DYNC2H1: variants seen among roughly 807,000 people sequenced by gnomAD.
The protein encoded by DYNC2H1 is cytoplasmic dynein 2 heavy chain 1.
DYNC2H1 carries 410 observed loss-of-function variants against 570.0 expected under a neutral mutation model. The observed-to-expected ratio is 0.72, with a 90% CI of 0.66 to 0.78. The LOEUF (loss-of-function observed/expected upper bound fraction) is 0.78, where lower values mean the gene tolerates loss of function less well. DYNC2H1 is among the 30% of genes least tolerant of loss of function. DYNC2H1 has a pLI of 0.00. For synonymous variants in DYNC2H1, 1,688 were observed against 1,677.6 expected (o/e 1.01, Z -0.15); for missense variants, 4,865 against 5,046.4 (o/e 0.96, Z 1.09).
At chr11:103,282,843 G>A (rs1866194084) in intron 72 of DYNC2H1, among the ~76,000 whole-genome samples, 165 bp from the exon 73 acceptor site, 1 of 151,946 alleles carries the variant, frequency 6.6e-6, no homozygotes, top group African/African-American at 2.4e-5. Flanking sequence ...AGTCCCTTAT[G>A]TTACATAGAA....
At chr11:103,221,261 C>T in intron 57 of DYNC2H1, among the ~76,000 whole-genome samples, 1 of 152,040 alleles carries the variant, frequency 6.6e-6, no homozygotes, top group Non-Finnish European at 1.5e-5. Flanking sequence ...CATGCAGGTT[C>T]AGGTTTCATG....
Position 103,280,313 on chromosome 11 carries a change from T to G in DYNC2H1, c.10696-35T>G. 6.5e-7 allele frequency: 1 copy of G among 1,547,542 alleles called. No individual in the cohort carries two copies. Among genetic ancestry groups the G allele is most frequent in the Non-Finnish European group, 8.7e-7 (1 of 1,144,472 alleles). On this transcript the variant is annotated intron_variant, in intron 70 of 88. Coordinates refer to ENST00000375735, the MANE Select transcript of DYNC2H1 (RefSeq NM_001377.3). This position sits in a 1 kb window ranked among gnomAD's most constrained non-coding sequence, Gnocchi z 4.7. ...TATGCTTTTCCAAAGACACAAATTT[T>G]TAAAAGGCAAGATAATATCTGTTAT...
At chr11:103,308,592 G>A (rs573803346) in intron 78 of DYNC2H1, among the ~76,000 whole-genome samples, 210 of 152,190 alleles carry the variant, frequency 1.4e-3, no homozygotes, top group African/African-American at 4.9e-3. Flanking sequence ...TTTCATAGTG[G>A]CTACATCGTT....
At chr11:103,317,710 T>C (rs1478388688) in intron 80 of DYNC2H1, among the ~76,000 whole-genome samples, 3 of 136,798 alleles carry the variant, frequency 2.2e-5, no homozygotes, top group Non-Finnish European at 5.0e-5. Context: ...AACTTTCATA[T>C]GGCCTTCTTC....
Position 103,249,191 on chromosome 11 carries a change from T to C in DYNC2H1, c.10042+3817T>C, listed in dbSNP as rs1056270980. The stretch of plus-strand genomic sequence containing the variant: ...TAAGAGATGAGACAACACTGAAGAG[T>C]CTTTTTTAGACAATAAAATATTTAT... On this transcript the variant is annotated intron_variant, in intron 65 of 88. Coordinates refer to ENST00000375735, the MANE Select transcript of DYNC2H1 (RefSeq NM_001377.3). This position sits in a 1 kb window ranked among gnomAD's most constrained non-coding sequence, Gnocchi z 4.6. 1.4e-4 allele frequency among the ~76,000 whole-genome samples: 22 copies of C among 151,842 alleles called. No homozygotes were observed. The highest frequency in any genetic ancestry group is 4.4e-4 in the African/African-American group (18 of 41,364).
At position 103,179,245 on chromosome 11, in the gene DYNC2H1, A is replaced by C; in HGVS notation, c.6347+12A>C. 1 of 1,609,814 alleles carries C rather than the reference A, an allele frequency of 6.2e-7. No homozygotes were observed. On this transcript the variant is annotated intron_variant, in intron 39 of 88. Transcript: ENST00000375735. Reference sequence around the variant, plus strand: ...ATGATCTTTCTTAGGTAAGCCATAGATTATTTATATACAGTATATTAGAAT... The same window carrying C: ...ATGATCTTTCTTAGGTAAGCCATAGCTTATTTATATACAGTATATTAGAAT...
At chr11:103,390,685 C>G (rs1942106430) in intron 83 of DYNC2H1, among the ~76,000 whole-genome samples, 1 of 152,196 alleles carries the variant, frequency 6.6e-6, no homozygotes, top group Non-Finnish European at 1.5e-5. Flanking sequence ...TCTTGTAGGG[C>G]AGGCCCGGTG....
rs1860836320 is a variant in DYNC2H1 at position 103,156,576 on chromosome 11, C to G, written c.3933C>G (p.Ser1311=). The change falls in exon 26 of 89, where the codon TCC becomes TCG. Residue 1311 remains serine, a synonymous_variant. Transcript: ENST00000375735. ...GAGATAATAGATGCCTTCTCCAATC[C>G]TTAAAGGATTCTCCTTATTATAAAG... ...QVGDNRCLLQ[S]LKDSPYYKGF... is the part of the protein sequence containing the mutation. 1 of 1,613,606 alleles carries G rather than the reference C, an allele frequency of 6.2e-7. No homozygotes were observed. Among genetic ancestry groups the G allele is most frequent in the Non-Finnish European group, 8.5e-7 (1 of 1,179,690 alleles).
At chr11:103,234,890 A>G (rs1433634431) in intron 61 of DYNC2H1, among the ~76,000 whole-genome samples, 1 of 151,852 alleles carries the variant, frequency 6.6e-6, no homozygotes, top group East Asian at 1.9e-4. Context: ...CACTGGAGGC[A>G]TCTTTCTTTG....
At chr11:103,454,333 GA>G (rs910633068) in intron 85 of DYNC2H1, among the ~76,000 whole-genome samples, 1 of 152,074 alleles carries the variant, frequency 6.6e-6, no homozygotes, top group Non-Finnish European at 1.5e-5. Flanking sequence ...TGCACCAGCT[GA>G]ACTAATAGCT....
intron 82 of DYNC2H1, among the ~76,000 whole-genome samples, chr11:103,357,652 G>T (rs1483164798): frequency 6.6e-6 from 1 of 152,136 alleles, no homozygotes; most frequent in Non-Finnish European, 1.5e-5. Context: ...AGAGCTTTCT[G>T]GATAAAGAGG....
intron 54 of DYNC2H1, among the ~76,000 whole-genome samples, chr11:103,214,446 CTTT>C (rs200386358): frequency 7.8e-6 from 1 of 127,444 alleles, no homozygotes; most frequent in Non-Finnish European, 1.6e-5. Flanking sequence ...ACTTCTTCTT[CTTT>C]TTTTTTTTTT....
chr11:103,140,717 C>T (rs1218724889), intron 17 of DYNC2H1, among the ~76,000 whole-genome samples: 2 of 152,228 alleles, frequency 1.3e-5, no homozygotes, highest in Non-Finnish European at 2.9e-5. Flanking sequence ...ATCTTTGTGA[C>T]ATTCTCTGTA....
At chr11:103,304,545 C>T in intron 76 of DYNC2H1, 50 bp from the exon 77 acceptor site, 1 of 1,581,206 alleles carries the variant, frequency 6.3e-7, no homozygotes, top group African/African-American at 1.3e-5. Flanking sequence ...TATATTACAA[C>T]ATGTTAGCAG....
chr11:103,281,515 G>A (rs1174668398), intron 71 of DYNC2H1, among the ~76,000 whole-genome samples: 1 of 151,880 alleles, frequency 6.6e-6, no homozygotes, highest in African/African-American at 2.4e-5. Flanking sequence ...GCCAGGGTGA[G>A]TGAAGCCAGA....
intron 13 of DYNC2H1, among the ~76,000 whole-genome samples, chr11:103,130,414 C>G (rs1258249124): frequency 6.6e-6 from 1 of 152,108 alleles, no homozygotes; most frequent in Non-Finnish European, 1.5e-5. Context: ...CACACTAGTT[C>G]TCAAGCTTGA....
intron 75 of DYNC2H1, among the ~76,000 whole-genome samples, chr11:103,296,735 G>T: frequency 6.6e-6 from 1 of 151,188 alleles, no homozygotes. Flanking sequence ...CTTCTTTTCT[G>T]GATCTTTTTT....
chr11:103,133,552 T>C lies in DYNC2H1; in HGVS notation c.1954-3T>C, dbSNP rs576679074. ...ATACTAAAGGTTATTTATTGTACCA[T>C]AGAATTCAAAAGCAGGAAGTGGAGG... is the stretch of plus-strand genomic sequence containing the variant. On this transcript the variant is annotated splice_polypyrimidine_tract_variant and splice_region_variant and intron_variant, in intron 13 of 88. Transcript: ENST00000375735. This position sits in a 1 kb window ranked among gnomAD's most constrained non-coding sequence, Gnocchi z 4.8. 21 of 1,604,134 alleles carry C rather than the reference T, an allele frequency of 1.3e-5. No individual in the cohort carries two copies. The South Asian group carries it at 1.5e-4, about 11-fold the overall frequency.
chr11:103,237,821 C>T (rs1864279033), intron 63 of DYNC2H1, among the ~76,000 whole-genome samples: 1 of 151,512 alleles, frequency 6.6e-6, no homozygotes, highest in Non-Finnish European at 1.5e-5. Flanking sequence ...ATATGTTTAT[C>T]AGAATAATTT....
Sources: gnomAD v4.1 joint callset for allele counts (sites outside exome capture counted in the v4.1 genomes callset) on GRCh38, gnomAD v4.1.1 for gene constraint, Gnocchi (gnomAD v3.1) non-coding constraint, MANE v1.5 for transcripts, NCBI Gene and HGNC (gene_info 2026-07-23, HGNC 2026-07-21) for gene names.